Variants in MYO6 observed in about 807,000 individuals in gnomAD.
MYO6 encodes myosin VI.
In MYO6, 74 loss-of-function variants were observed where a neutral mutation model predicts 178.7. That is an observed-to-expected ratio of 0.41 (90% confidence interval 0.34 to 0.50). MYO6 has a LOEUF of 0.50. Ranked by LOEUF, MYO6 falls within the 20% of genes least tolerant of loss-of-function variation. The pLI is 0.09. For missense variants in MYO6, 1,330 were observed against 1,547.4 expected (o/e 0.86, Z 2.36); for synonymous variants, 477 against 504.6 (o/e 0.95, Z 0.73).
intron 1 of MYO6, among the ~76,000 whole-genome samples, chr6:75,758,621 C>G (rs1777681731): frequency 6.6e-6 from 1 of 152,020 alleles, no homozygotes; most frequent in Non-Finnish European, 1.5e-5. Context: ...CCACCACGCC[C>G]AGCTAATTTT....
chr6:75,894,753 A>G (rs867810502), intron 28 of MYO6: 2 of 1,199,296 alleles, frequency 1.7e-6, no homozygotes, highest in South Asian at 3.4e-5. Flanking sequence ...TGCTGTGTTA[A>G]AAAATGTATA....
chr6:75,885,850 T>A (rs927962254), intron 23 of MYO6, among the ~76,000 whole-genome samples, 154 bp from the exon 24 acceptor site: 3 of 152,140 alleles, frequency 2.0e-5, no homozygotes, highest in Non-Finnish European at 4.4e-5. Context: ...ACAAAAAAGG[T>A]GTTAAAACTT....
At chr6:75,825,860 ATATT>A (rs1333051121) in intron 3 of MYO6, among the ~76,000 whole-genome samples, 3 of 152,112 alleles carry the variant, frequency 2.0e-5, no homozygotes, top group African/African-American at 4.8e-5. Flanking sequence ...TATATGTTAT[ATATT>A]TATTTATTAA....
intron 29 of MYO6, 98 bp from the exon 30 acceptor site, chr6:75,898,275 A>G (rs559300340): frequency 2.8e-5 from 22 of 789,198 alleles, no homozygotes; most frequent in Admixed American, 1.2e-4. Flanking sequence ...GTTAAATAAT[A>G]TTGAAAATAT....
chr6:75,905,316 C>G (rs1283076775), intron 30 of MYO6, among the ~76,000 whole-genome samples: 11 of 152,364 alleles, frequency 7.2e-5, no homozygotes, highest in East Asian at 1.9e-4. Context: ...CGCCCCTCCC[C>G]CAGCCTCACT....
intron 25 of MYO6, among the ~76,000 whole-genome samples, chr6:75,888,037 C>A (rs1778600023): frequency 6.6e-6 from 1 of 151,920 alleles, no homozygotes; most frequent in African/African-American, 2.4e-5. Context: ...TGCCTGTAAT[C>A]CCAGCACTTT....
intron 27 of MYO6, 92 bp downstream of exon 27, chr6:75,891,398 C>T (rs191319890): frequency 2.5e-4 from 215 of 870,018 alleles, no homozygotes; most frequent in Middle Eastern, 1.4e-3. Context: ...TTTGGGAGGC[C>T]GAGGCGGGCG....
At chr6:75,832,996 T>C (rs201013049) in intron 6 of MYO6, 49 bp downstream of exon 6, 48 of 1,329,948 alleles carry the variant, frequency 3.6e-5, no homozygotes, top group Admixed American at 6.7e-5. Flanking sequence ...ATCTTTTTTT[T>C]CCCCCCTTGA....
chr6:75,811,435 A>G (rs1232161963), intron 1 of MYO6, among the ~76,000 whole-genome samples: 1 of 152,020 alleles, frequency 6.6e-6, no homozygotes, highest in African/African-American at 2.4e-5. Flanking sequence ...TCATGGGCTG[A>G]TGTGTTTGTA....
chr6:75,800,084 T>A (rs1769290740), intron 1 of MYO6, among the ~76,000 whole-genome samples: 1 of 152,190 alleles, frequency 6.6e-6, no homozygotes. Flanking sequence ...GTGCTATGCC[T>A]GACACATATT....
intron 1 of MYO6, among the ~76,000 whole-genome samples, chr6:75,769,032 T>TAA (rs1778687065): frequency 6.6e-6 from 1 of 152,110 alleles, no homozygotes; most frequent in African/African-American, 2.4e-5. Context: ...CACACTCTTT[T>TAA]AAACAACCAG....
chr6:75,854,413 T>TC (rs1775563892), intron 11 of MYO6, among the ~76,000 whole-genome samples: 1 of 151,314 alleles, frequency 6.6e-6, no homozygotes, highest in Admixed American at 6.6e-5. Flanking sequence ...TTTGTACTGA[T>TC]CTCTAGCACA....
chr6:75,817,032 A>G (rs73751024), intron 1 of MYO6, among the ~76,000 whole-genome samples: 5,628 of 152,142 alleles, frequency 0.037, 229 homozygotes, highest in East Asian at 0.15. Context: ...GGGGCCGGGC[A>G]CGGTGGCTCA....
rs1009157534 is a variant in MYO6, at chr6:75,754,770, A to G, written c.-48+5347A>G. On this transcript the variant is annotated intron_variant, in intron 1 of 34. Coordinates refer to ENST00000369977, the MANE Select transcript of MYO6 (RefSeq NM_004999.4). Reference sequence around the variant, plus strand: ...ATGAAAAAATAAATAGAAACCATCCATTTGAAATCCAAAGACATATACGTC... The same window carrying G: ...ATGAAAAAATAAATAGAAACCATCCGTTTGAAATCCAAAGACATATACGTC... Among the ~76,000 whole-genome samples the G allele has an allele frequency of 3.5e-4, 54 of 152,190 alleles. 3 individuals are homozygous for G. The highest frequency in any genetic ancestry group is 1.5e-5 in the Non-Finnish European group (1 of 68,036).
intron 33 of MYO6, 57 bp downstream of exon 33, chr6:75,911,755 C>G: frequency 6.7e-7 from 1 of 1,503,386 alleles, no homozygotes; most frequent in Non-Finnish European, 9.3e-7. Context: ...AAATACTTTA[C>G]AAAGTACTAA....
Position 75,866,339 on chromosome 6 carries a change from T to G in MYO6, c.1675-187T>G, listed in dbSNP as rs191349476. Reference sequence around the variant, plus strand: ...ACCTATTTTCTTTCCTAAGAGATTATACCAAATATTTGCTAGATTTTATTG... The same window carrying G: ...ACCTATTTTCTTTCCTAAGAGATTAGACCAAATATTTGCTAGATTTTATTG... On this transcript the variant is annotated intron_variant, in intron 16 of 34. Transcript: ENST00000369977. 3.5e-3 allele frequency among the ~76,000 whole-genome samples: 534 copies of G among 151,494 alleles called. 2 individuals are homozygous for G. The highest frequency in any genetic ancestry group is 0.012 in the African/African-American group (511 of 41,294).
chr6:75,762,752 G>A (rs904126326), intron 1 of MYO6, among the ~76,000 whole-genome samples: 1 of 152,230 alleles, frequency 6.6e-6, no homozygotes, highest in Non-Finnish European at 1.5e-5. Context: ...GCCATTGTCT[G>A]CAGCTCTTGT....
chr6:75,906,139 A>T (rs1220269982), intron 30 of MYO6, among the ~76,000 whole-genome samples: 4 of 151,010 alleles, frequency 2.6e-5, no homozygotes, highest in Non-Finnish European at 5.9e-5. Context: ...CTTGTGTCAC[A>T]CCTAAGAAGC....
intron 23 of MYO6, among the ~76,000 whole-genome samples, chr6:75,885,075 C>T (rs565650626): frequency 6.6e-6 from 1 of 152,274 alleles, no homozygotes; most frequent in South Asian, 2.1e-4. Context: ...AAGATTAGTT[C>T]GGCCTACACC....
Sources: gnomAD v4.1 joint callset for allele counts (sites outside exome capture counted in the v4.1 genomes callset) on GRCh38, gnomAD v4.1.1 for gene constraint, MANE v1.5 for transcripts, NCBI Gene and HGNC (gene_info 2026-07-23, HGNC 2026-07-21) for gene names.